Variants in CPED1 observed in about 807,000 individuals in gnomAD.
CPED1 encodes the protein cadherin like and PC-esterase domain containing 1.
CPED1 carries 114 observed loss-of-function variants against 128.2 expected under a neutral mutation model. The ratio of observed to expected loss-of-function variants is 0.89; its 90% CI spans 0.76 to 1.04. The LOEUF is 1.04. Ranked by LOEUF, CPED1 falls within the 50% of genes least tolerant of loss-of-function variation. CPED1 has a pLI of 0.00. For missense variants in CPED1, 1,211 were observed against 1,207.1 expected (o/e 1.00, Z -0.05); for synonymous variants, 462 against 426.7 (o/e 1.08, Z -1.02).
intron 2 of CPED1, among the ~76,000 whole-genome samples, chr7:120,992,812 T>C (rs544418969): frequency 6.6e-6 from 1 of 152,330 alleles, no homozygotes; most frequent in East Asian, 1.9e-4. Flanking sequence ...GAAGACCTTT[T>C]GTACTTTGTC....
At chr7:121,075,554 C>T (rs1563015957) in intron 5 of CPED1, among the ~76,000 whole-genome samples, 1 of 151,966 alleles carries the variant, frequency 6.6e-6, no homozygotes, top group Non-Finnish European at 1.5e-5. Flanking sequence ...CTTTCTCCTC[C>T]CAGGTTCAAG....
intron 2 of CPED1, among the ~76,000 whole-genome samples, chr7:120,993,605 T>TA (rs1033859317): frequency 6.6e-6 from 1 of 152,180 alleles, no homozygotes; most frequent in Non-Finnish European, 1.5e-5. Flanking sequence ...TGAAAATTTC[T>TA]AAAAAAATTC....
chr7:121,134,367 C>T (rs1017013116), intron 13 of CPED1, among the ~76,000 whole-genome samples: 2 of 151,926 alleles, frequency 1.3e-5, no homozygotes, highest in Admixed American at 6.6e-5. Flanking sequence ...CATGTGGGAT[C>T]GAAAAAAGTT....
chr7:121,237,013 CAATT>C (rs1798274973), intron 17 of CPED1, among the ~76,000 whole-genome samples, 182 bp downstream of exon 17: 1 of 152,046 alleles, frequency 6.6e-6, no homozygotes, highest in African/African-American at 2.4e-5. Flanking sequence ...TTTGATTAAT[CAATT>C]ATTTTCTTCT....
At chr7:121,282,975 A>T (rs1792492215) in intron 22 of CPED1, among the ~76,000 whole-genome samples, 1 of 152,216 alleles carries the variant, frequency 6.6e-6, no homozygotes, top group South Asian at 2.1e-4. Context: ...ATTCTACAAG[A>T]TACAGAATCA....
intron 22 of CPED1, among the ~76,000 whole-genome samples, chr7:121,282,075 C>T (rs980174668): frequency 2.6e-5 from 4 of 152,168 alleles, no homozygotes; most frequent in Non-Finnish European, 5.9e-5. Flanking sequence ...TTATTAACCA[C>T]ATGTAGTAGC....
chr7:121,140,527 G>A (rs1251550596), intron 14 of CPED1, among the ~76,000 whole-genome samples: 1 of 151,924 alleles, frequency 6.6e-6, no homozygotes, highest in African/African-American at 2.4e-5. Context: ...CAATCCACAG[G>A]AGAGACATTT....
At chr7:120,989,149 A>C (rs1796268039) in intron 1 of CPED1, 1 of 162,130 alleles carries the variant, frequency 6.2e-6, no homozygotes, top group African/African-American at 2.4e-5. Flanking sequence ...GCCTGAGTTC[A>C]GCTGTGCAAC....
At chr7:121,265,217 G>A (rs536033509) in intron 18 of CPED1, among the ~76,000 whole-genome samples, 20 of 152,142 alleles carry the variant, frequency 1.3e-4, no homozygotes, top group African/African-American at 4.6e-4. Flanking sequence ...CTTACATAAA[G>A]GGAGGCATTA....
chr7:121,012,747 C>G (rs1211678799), intron 2 of CPED1, among the ~76,000 whole-genome samples: 3 of 152,210 alleles, frequency 2.0e-5, no homozygotes, highest in African/African-American at 7.2e-5. Context: ...ATTCTACTGA[C>G]AAGCTCATTT....
intron 16 of CPED1, among the ~76,000 whole-genome samples, chr7:121,175,880 GT>G (rs1796763903): frequency 6.6e-6 from 1 of 152,032 alleles, no homozygotes; most frequent in South Asian, 2.1e-4. Flanking sequence ...CTCCGCAGCA[GT>G]TTTCTATAAC....
intron 4 of CPED1, among the ~76,000 whole-genome samples, chr7:121,047,698 T>TCCTCC (rs1793243819): frequency 2.8e-5 from 1 of 35,654 alleles, no homozygotes; most frequent in African/African-American, 9.3e-5. Context: ...CTTCTTCTTC[T>TCCTCC]TCTTCTTCTT....
intron 16 of CPED1, among the ~76,000 whole-genome samples, chr7:121,179,497 CA>C (rs1304048004): frequency 1.3e-5 from 2 of 152,050 alleles, no homozygotes; most frequent in African/African-American, 4.8e-5. Flanking sequence ...CAATAGTGTG[CA>C]GAATGGAACG....
chr7:121,295,340 A>T lies in CPED1; in HGVS notation c.2869-100A>T, dbSNP rs536694013. On this transcript the variant is annotated intron_variant, in intron 22 of 22. Coordinates refer to ENST00000310396, the MANE Select transcript of CPED1 (RefSeq NM_024913.5). ...GTCATAGTCATGCCCTTTTAGCAAC[A>T]TCTGTGTGGCAGAGATGCATGTTCA... 2.2e-5 allele frequency: 30 copies of T among 1,391,578 alleles called. No homozygotes were observed. The Admixed American group carries it at 3.2e-4, about 15-fold the overall frequency. 86.2% of individuals were successfully genotyped at this position (1,391,578 alleles called of 1,614,324 possible). A position where few individuals can be genotyped will look rare whatever the true frequency, so the allele number is the denominator to read the frequency against.
chr7:121,173,904 A>G (rs1796714590), intron 16 of CPED1, among the ~76,000 whole-genome samples: 1 of 152,030 alleles, frequency 6.6e-6, no homozygotes, highest in African/African-American at 2.4e-5. Flanking sequence ...GTTATTCCTC[A>G]GCATTTTAAT....
intron 18 of CPED1, among the ~76,000 whole-genome samples, chr7:121,251,674 A>G (rs1434369142): frequency 6.6e-6 from 1 of 152,228 alleles, no homozygotes; most frequent in African/African-American, 2.4e-5. Context: ...CACCAATAAC[A>G]GACAAACAGA....
chr7:121,221,664 C>T (rs1224212094), intron 16 of CPED1, among the ~76,000 whole-genome samples: 2 of 149,104 alleles, frequency 1.3e-5, no homozygotes, highest in African/African-American at 2.5e-5. Flanking sequence ...TTCTAATTGG[C>T]CTGAGATGGT....
chr7:120,995,044 T>C (rs1796373603), intron 2 of CPED1, among the ~76,000 whole-genome samples: 1 of 152,206 alleles, frequency 6.6e-6, no homozygotes, highest in Non-Finnish European at 1.5e-5. Context: ...AAATCTTTCC[T>C]CCTGCCAGCG....
intron 3 of CPED1, among the ~76,000 whole-genome samples, chr7:121,029,713 C>T (rs1057513385): frequency 2.0e-5 from 3 of 152,118 alleles, no homozygotes; most frequent in East Asian, 1.9e-4. Context: ...ACTTTATAAT[C>T]GTACATGACA....
Sources: gnomAD v4.1 joint callset for allele counts (sites outside exome capture counted in the v4.1 genomes callset) on GRCh38, gnomAD v4.1.1 for gene constraint, MANE v1.5 for transcripts, NCBI Gene and HGNC (gene_info 2026-07-23, HGNC 2026-07-21) for gene names.